The following TYRP1 variants were observed in gnomAD, a reference collection of about 807,000 sequenced individuals.
The protein encoded by TYRP1 is tyrosinase related protein 1.
Under a neutral mutation model 42.8 loss-of-function variants are expected in TYRP1, and 49 were observed. That is an observed-to-expected ratio of 1.14 (90% CI 0.91 to 1.45). The LOEUF (loss-of-function observed/expected upper bound fraction) is 1.45, where lower values mean the gene tolerates loss of function less well. Ranked by LOEUF, TYRP1 falls within the 40% of genes most tolerant of loss-of-function variation. TYRP1 has a pLI of 0.00. For missense variants in TYRP1, 848 were observed against 662.0 expected (o/e 1.28, Z -3.08); for synonymous variants, 279 against 235.4 (o/e 1.19, Z -1.69).
rs1818317187 is a variant in TYRP1 at position 12,709,287 on chromosome 9, A to C, written c.*105A>C. The C allele has an allele frequency of 6.9e-6, 8 of 1,162,310 alleles. No individual in the cohort carries two copies. The highest frequency in any genetic ancestry group is 1.0e-5 in the Non-Finnish European group (8 of 786,398). 72.0% of individuals were successfully genotyped at this position (1,162,310 alleles called of 1,614,324 possible). Reference sequence around the variant, plus strand: ...TCTTTCACTTTATTACCTTCTTTCTAATACAAGCATATGTTAGCATTAAAG... The same window carrying C: ...TCTTTCACTTTATTACCTTCTTTCTCATACAAGCATATGTTAGCATTAAAG... On this transcript the variant is annotated 3_prime_UTR_variant, in exon 8 of 8. Transcript: ENST00000388918.
intron 5 of TYRP1, 68 bp downstream of exon 5, chr9:12,702,506 A>C (rs1222365779): frequency 6.7e-7 from 1 of 1,496,880 alleles, no homozygotes; most frequent in Non-Finnish European, 9.2e-7. Context: ...TTCAAAAGCA[A>C]GTTTCTTTGA....
In TYRP1 at chr9:12,694,039, C is replaced by T. The variant is rs777584779; in HGVS notation, c.43C>T (p.Pro15Ser). 6.2e-7 allele frequency: 1 copy of T among 1,613,968 alleles called. No homozygotes were observed. Among genetic ancestry groups the T allele is most frequent in the African/African-American group, 1.3e-5 (1 of 74,974 alleles). ...KLLSLGCIFF[P>S]LLLFQQARAQ... ...CCTCTCTCTGGGCTGTATCTTCTTC[C>T]CCTTGCTACTTTTTCAGCAGGCCCG... Residue 15 changes from proline to serine, a missense_variant, in exon 2 of 8, where the codon CCC (proline) becomes TCC (serine). Transcript: ENST00000388918.
chr9:12,705,252 A>T (rs560708247), intron 6 of TYRP1, among the ~76,000 whole-genome samples: 1 of 152,186 alleles, frequency 6.6e-6, no homozygotes, highest in Non-Finnish European at 1.5e-5. Context: ...ACTATTTAAA[A>T]GGCCTCTTTC....
Position 12,695,813 on chromosome 9 carries a change from C to T in TYRP1, c.684C>T (p.Leu228=), listed in dbSNP as rs369181975. 9 of 1,614,040 alleles carry T rather than the reference C, an allele frequency of 5.6e-6. No homozygotes were observed. Among genetic ancestry groups the T allele is most frequent in the Non-Finnish European group, 6.8e-6 (8 of 1,180,024 alleles). The change falls in exon 3 of 8, where the codon CTC becomes CTT. Residue 228 remains leucine, a synonymous_variant. Transcript: ENST00000388918. The stretch of plus-strand genomic sequence containing the variant: ...TTCTCACATGGCACAGGTACCACCT[C>T]CTGCGTCTGGAGAAAGACATGCAGG... ...PAFLTWHRYH[L]LRLEKDMQEM...
chr9:12,702,404 C>G lies in TYRP1; in HGVS notation c.1047C>G (p.Ser349=). 6.2e-7 allele frequency: 1 copy of G among 1,612,862 alleles called. No homozygotes were observed. Among genetic ancestry groups the G allele is most frequent in the Non-Finnish European group, 8.5e-7 (1 of 1,179,300 alleles). ...VGLFDTPPFY[S]NSTNSFRNTV... ...TATTTGACACGCCTCCTTTTTATTC[C>G]AACTCTACAAACAGTTTCCGAAACA... The change falls in exon 5 of 8, where the codon TCC becomes TCG. Residue 349 remains serine, a synonymous_variant. Coordinates refer to ENST00000388918, the MANE Select transcript of TYRP1 (RefSeq NM_000550.3).
intron 4 of TYRP1, chr9:12,700,571 T>C (rs1270489365): frequency 6.6e-6 from 1 of 152,090 alleles, no homozygotes; most frequent in African/African-American, 2.4e-5. Context: ...CTTTGGTCCA[T>C]AGGATGTTAG....
At chr9:12,698,947 T>A (rs1818122868) in intron 4 of TYRP1, among the ~76,000 whole-genome samples, 1 of 152,152 alleles carries the variant, frequency 6.6e-6, no homozygotes, top group South Asian at 2.1e-4. Context: ...TATAAACTAA[T>A]CCTCTTAGTT....
chr9:12,694,382 G>T lies in TYRP1; in HGVS notation c.385+1G>T. ...GCCTGTGACCAGAGGGTTCTCATAGGTAAGTGGAGATATGAATGAGTTCAT... is the reference window on the plus strand; with the variant it reads ...GCCTGTGACCAGAGGGTTCTCATAGTTAAGTGGAGATATGAATGAGTTCAT... On this transcript the variant is annotated splice_donor_variant, in intron 2 of 7. Transcript: ENST00000388918. LOFTEE classifies it high-confidence loss of function. The T allele has an allele frequency of 6.2e-7, 1 of 1,613,854 alleles. No individual in the cohort carries two copies. The highest frequency in any genetic ancestry group is 8.5e-7 in the Non-Finnish European group (1 of 1,179,950).
rs770988738 is a variant in TYRP1, at chr9:12,694,378, A to T, written c.382A>T (p.Ile128Leu). The change falls in exon 2 of 8, where the codon ATA becomes TTA. Residue 128 changes from isoleucine to leucine, a missense_variant. Physicochemically the swap from Ile to Leu is conservative, Grantham distance 5. Transcript: ENST00000388918. ...AGCTGCCTGTGACCAGAGGGTTCTC[A>T]TAGGTAAGTGGAGATATGAATGAGT... ...RGAACDQRVL[I>L]VRRNLLDLSK... The T allele has an allele frequency of 6.2e-7, 1 of 1,613,922 alleles. No homozygotes were observed. Among genetic ancestry groups the T allele is most frequent in the African/African-American group, 1.3e-5 (1 of 75,058 alleles).
At chr9:12,706,612 C>T (rs1471519722) in intron 6 of TYRP1, among the ~76,000 whole-genome samples, 3 of 151,790 alleles carry the variant, frequency 2.0e-5, no homozygotes, top group Non-Finnish European at 4.4e-5. Context: ...TAAAATGTGG[C>T]CATAAAATTA....
Position 12,702,408 on chromosome 9 carries a change from T to A in TYRP1, c.1051T>A (p.Ser351Thr). The A allele has an allele frequency of 6.2e-7, 1 of 1,613,010 alleles. No homozygotes were observed. The highest frequency in any genetic ancestry group is 8.5e-7 in the Non-Finnish European group (1 of 1,179,348). The change falls in exon 5 of 8, where the codon TCT (serine) becomes ACT (threonine). Residue 351 changes from serine to threonine, a missense_variant. Transcript: ENST00000388918. ...LFDTPPFYSNSTNSFRNTVEG... is the reference protein window; with the variant it reads ...LFDTPPFYSNTTNSFRNTVEG... Reference sequence around the variant, plus strand: ...TGACACGCCTCCTTTTTATTCCAACTCTACAAACAGTTTCCGAAACACAGT... The same window carrying A: ...TGACACGCCTCCTTTTTATTCCAACACTACAAACAGTTTCCGAAACACAGT...
Position 12,694,335 on chromosome 9 carries a change from C to A in TYRP1, c.339C>A (p.Cys113Ter), listed in dbSNP as rs757291528. ...GNFSGHNCGTCRPGWRGAACD... is the reference protein window; with the variant it reads ...GNFSGHNCGT ...TCTCAGGACACAACTGTGGGACGTG[C>A]CGTCCTGGCTGGAGAGGAGCTGCCT... The change falls in exon 2 of 8, where the codon TGC becomes TGA. Residue 113 changes from cysteine to a stop codon, truncating the protein, a stop_gained. Coordinates refer to ENST00000388918, the MANE Select transcript of TYRP1 (RefSeq NM_000550.3). LOFTEE classifies it high-confidence loss of function. 39 of 1,613,836 alleles carry A rather than the reference C, an allele frequency of 2.4e-5. No homozygotes were observed. The highest frequency in any genetic ancestry group is 2.6e-5 in the Non-Finnish European group (31 of 1,179,982).
At chr9:12,705,782 G>A (rs912930345) in intron 6 of TYRP1, among the ~76,000 whole-genome samples, 3 of 152,004 alleles carry the variant, frequency 2.0e-5, no homozygotes, top group South Asian at 2.1e-4. Context: ...AGGAGGTAGA[G>A]GTTGCAGTTA....
At chr9:12,708,842 C>A in intron 7 of TYRP1, 135 bp from the exon 8 acceptor site, 1 of 821,086 alleles carries the variant, frequency 1.2e-6, no homozygotes, top group South Asian at 1.5e-5. Flanking sequence ...GAAGTGGCTT[C>A]AAGGCCATGT....
chr9:12,698,737 C>G, intron 4 of TYRP1, 82 bp downstream of exon 4: 1 of 1,298,740 alleles, frequency 7.7e-7, no homozygotes, highest in Non-Finnish European at 1.1e-6. Flanking sequence ...GCCCTTCATT[C>G]TACTAGAGAA....
chr9:12,698,392 A>C (rs1818110987), intron 3 of TYRP1, 59 bp from the exon 4 acceptor site: 2 of 1,519,330 alleles, frequency 1.3e-6, no homozygotes, highest in Non-Finnish European at 1.8e-6. Flanking sequence ...AGTAGACCAA[A>C]CAGAAATGAA....
rs563602746 is a variant in TYRP1, at chr9:12,694,359, C to T, written c.363C>T (p.Ala121=). 1.7e-5 allele frequency: 28 copies of T among 1,614,028 alleles called. No individual in the cohort carries two copies. In the East Asian group the frequency reaches 6.0e-4, roughly 35 times the overall value. Residue 121 remains alanine, a synonymous_variant, in exon 2 of 8, where the codon GCC becomes GCT. Transcript: ENST00000388918. ...GTCRPGWRGA[A]CDQRVLIVRR... ...GCCGTCCTGGCTGGAGAGGAGCTGC[C>T]TGTGACCAGAGGGTTCTCATAGGTA... is the stretch of plus-strand genomic sequence containing the variant.
At chr9:12,707,216 G>A (rs750424519) in intron 6 of TYRP1, among the ~76,000 whole-genome samples, 6 of 151,948 alleles carry the variant, frequency 3.9e-5, no homozygotes, top group African/African-American at 9.7e-5. Flanking sequence ...GTTTCCAAGA[G>A]TGATCACTAC....
rs1435490927 is a variant in TYRP1 at position 12,694,214 on chromosome 9, G to T, written c.218G>T (p.Arg73Leu). 1.9e-6 allele frequency: 3 copies of T among 1,613,596 alleles called. No individual in the cohort carries two copies. Among genetic ancestry groups the T allele is most frequent in the East Asian group, 2.2e-5 (1 of 44,814 alleles). Reference protein sequence around the residue: ...GRCEAVTADSRPHSPQYPHDG... With the variant: ...GRCEAVTADSLPHSPQYPHDG... ...TGTGAGGCAGTGACTGCAGACTCCC[G>T]GCCCCACAGCCCTCAGTATCCCCAT... Residue 73 changes from arginine to leucine, a missense_variant, in exon 2 of 8, where the codon CGG (arginine) becomes CTG (leucine). Physicochemically the swap from Arg to Leu is moderately radical, Grantham distance 102. Transcript: ENST00000388918.
Sources: gnomAD v4.1 joint callset for allele counts (sites outside exome capture counted in the v4.1 genomes callset) on GRCh38, gnomAD v4.1.1 for gene constraint, MANE v1.5 for transcripts, NCBI Gene and HGNC (gene_info 2026-07-23, HGNC 2026-07-21) for gene names.